Variants in MPO observed in about 807,000 individuals in gnomAD.
The protein encoded by MPO is myeloperoxidase.
MPO carries 57 observed loss-of-function variants against 69.4 expected under a neutral mutation model. The observed-to-expected ratio is 0.82, with a 90% CI of 0.66 to 1.02. MPO has a LOEUF of 1.02. MPO is among the 50% of genes least tolerant of loss of function. MPO has a pLI of 0.00. For missense variants in MPO, 971 were observed against 1,014.1 expected, an observed-to-expected ratio of 0.96 and a Z score of 0.58; for synonymous variants, 426 against 417.1, an observed-to-expected ratio of 1.02 and a Z score of -0.26.
In MPO at chr17:58,275,806, C is replaced by T. The variant is rs1002946630; in HGVS notation, c.1205-104G>A. The T allele has an allele frequency of 9.0e-6, 12 of 1,336,678 alleles. No individual in the cohort carries two copies. The African/African-American group carries it at 1.7e-4, about 19-fold the overall frequency. The allele number at this position is 1,336,678 out of a possible 1,614,324, so 82.8% of individuals were successfully genotyped here. A position where few individuals can be genotyped will look rare whatever the true frequency, so the allele number is the denominator to read the frequency against. Reference sequence around the variant, plus strand: ...GCCAAGGCCTGAAATGCCTCCTACTCACCCCTCCTCCCCATCCATCTTTTC... The same window carrying T: ...GCCAAGGCCTGAAATGCCTCCTACTTACCCCTCCTCCCCATCCATCTTTTC... On this transcript the variant is annotated intron_variant, in intron 7 of 11. Transcript: ENST00000225275. This position sits in a 1 kb window ranked among gnomAD's most constrained non-coding sequence, Gnocchi z 4.1.
At chr17:58,280,517 A>G (rs1970504918) in intron 1 of MPO, 58 bp from the exon 2 acceptor site, 1 of 1,613,376 alleles carries the variant, frequency 6.2e-7, no homozygotes, top group Non-Finnish European at 8.5e-7. Flanking sequence ...ATCAGGCCCC[A>G]GAGCTAGGAA....
At position 58,279,075 on chromosome 17, in the gene MPO, G is replaced by GC; in HGVS notation, c.817dup (p.Ala273GlyfsTer28). On this transcript the variant is annotated frameshift_variant, in exon 6 of 12. Transcript: ENST00000225275. LOFTEE classifies it high-confidence loss of function. ...GCAGTTGACGCCAGTGACGAAGGAGGCCCGGGCGGCCGGCTCAGGGGTGAA... is the reference window on the plus strand; with the variant it reads ...GCAGTTGACGCCAGTGACGAAGGAGGCCCCGGGCGGCCGGCTCAGGGGTGAA... 6.2e-7 allele frequency: 1 copy of GC among 1,613,084 alleles called. No individual in the cohort carries two copies. Among genetic ancestry groups the GC allele is most frequent in the Non-Finnish European group, 8.5e-7 (1 of 1,179,740 alleles).
chr17:58,280,547 G>A (rs1018932908), intron 1 of MPO, 58 bp downstream of exon 1: 28 of 1,613,908 alleles, frequency 1.7e-5, no homozygotes, highest in East Asian at 2.2e-5. Flanking sequence ...TGAGAAAAGG[G>A]GTCTCTGGAA....
chr17:58,270,359 C>G lies in MPO; in HGVS notation c.*297G>C. ...TCTAGTTCCTGAGCTGTGCTCCTCA[C>G]CAGTCCGCTCTGCTGCCTTCCACAT... is the stretch of plus-strand genomic sequence containing the variant. On this transcript the variant is annotated 3_prime_UTR_variant, in exon 12 of 12. Transcript: ENST00000225275. The surrounding 1 kb of genome is among the most constrained non-coding windows in gnomAD (Gnocchi z 4.1). The G allele has an allele frequency of 2.3e-6, 1 of 426,514 alleles. No homozygotes were observed. Among genetic ancestry groups the G allele is most frequent in the Non-Finnish European group, 4.4e-6 (1 of 225,844 alleles). 26.4% of individuals were successfully genotyped at this position (426,514 alleles called of 1,614,324 possible).
chr17:58,269,912 T>A lies in MPO; in HGVS notation c.*744A>T, dbSNP rs1466076909. On this transcript the variant is annotated 3_prime_UTR_variant, in exon 12 of 12. Transcript: ENST00000225275. Reference sequence around the variant, plus strand: ...ATAAACATTGGGAGCAAATAAATGGTACAGAAAGGGCAACAGGCCCAGTTC... The same window carrying A: ...ATAAACATTGGGAGCAAATAAATGGAACAGAAAGGGCAACAGGCCCAGTTC... The A allele has an allele frequency of 1.3e-5, 2 of 153,568 alleles. No individual in the cohort carries two copies. The highest frequency in any genetic ancestry group is 1.3e-4 in the Admixed American group (2 of 15,516). 9.5% of individuals were successfully genotyped at this position (153,568 alleles called of 1,614,324 possible).
intron 8 of MPO, among the ~76,000 whole-genome samples, chr17:58,274,594 C>G (rs890714523): frequency 6.6e-6 from 1 of 151,816 alleles, no homozygotes; most frequent in Non-Finnish European, 1.5e-5. Flanking sequence ...TCGAGGAGGG[C>G]GGATTACTTG....
At chr17:58,280,584 T>G in intron 1 of MPO, 21 bp downstream of exon 1, 1 of 1,614,116 alleles carries the variant, frequency 6.2e-7, no homozygotes, top group Non-Finnish European at 8.5e-7. Context: ...CACCATCTTC[T>G]CCCACCTTGG....
In MPO at chr17:58,278,220, G is replaced by T. The variant is rs553012668; in HGVS notation, c.886-75C>A. ...CCCAGGCAGAACTGGATCTCCCCCT[G>T]CCCTCAGGACCTCTGGTACCCTCAA... On this transcript the variant is annotated intron_variant, in intron 6 of 11. Transcript: ENST00000225275. 1.6e-5 allele frequency: 24 copies of T among 1,529,412 alleles called. No individual in the cohort carries two copies. In the South Asian group the frequency reaches 2.4e-4, roughly 16 times the overall value. 94.7% of individuals were successfully genotyped at this position (1,529,412 alleles called of 1,614,324 possible).
intron 8 of MPO, among the ~76,000 whole-genome samples, chr17:58,273,931 T>C (rs1344042792): frequency 1.3e-5 from 2 of 152,230 alleles, no homozygotes; most frequent in Non-Finnish European, 2.9e-5. Flanking sequence ...GTTCCTCAAA[T>C]GTACATTAAG....
chr17:58,271,038 C>G (rs1390303061), intron 11 of MPO, among the ~76,000 whole-genome samples, 175 bp from the exon 12 acceptor site: 1 of 152,182 alleles, frequency 6.6e-6, no homozygotes, highest in East Asian at 1.9e-4. Flanking sequence ...TGATGCTCCA[C>G]TCATCGTGCA....
rs553474611 is a variant in MPO, at chr17:58,280,272, C to A, written c.248+94G>T. 174 of 1,305,640 alleles carry A rather than the reference C, an allele frequency of 1.3e-4. 2 individuals carry two copies. The African/African-American group carries it at 2.4e-3, about 18-fold the overall frequency. The allele number at this position is 1,305,640 out of a possible 1,614,324, so 80.9% of individuals were successfully genotyped here. On this transcript the variant is annotated intron_variant, in intron 2 of 11. Coordinates refer to ENST00000225275, the MANE Select transcript of MPO (RefSeq NM_000250.2). ...GGAGTCCACATGGGTCCCCATAGTC[C>A]CCCTCTCCCACCTTCAAGCTCCCTG...
chr17:58,276,837 G>T (rs952659089), intron 7 of MPO, among the ~76,000 whole-genome samples: 1 of 152,140 alleles, frequency 6.6e-6, no homozygotes, highest in East Asian at 1.9e-4. Context: ...GGCTGCGTGC[G>T]GTGGCTCACA....
chr17:58,272,884 G>A lies in MPO; in HGVS notation c.1656C>T (p.Ala552=), dbSNP rs1299430410. 6.2e-7 allele frequency: 1 copy of A among 1,614,160 alleles called. No homozygotes were observed. Among genetic ancestry groups the A allele is most frequent in the Admixed American group, 1.7e-5 (1 of 60,028 alleles). Residue 552 remains alanine (A), a synonymous_variant, in exon 10 of 12, where the codon GCC becomes GCT. Transcript: ENST00000225275. ...TCTGACGATTCAGCTTGGCAGGGGT[G>A]GCCATGAGGCCCCGGAGGATGGGGT... ...GIDPILRGLM[A]TPAKLNRQNQ... is the part of the protein sequence containing the mutation.
At chr17:58,278,382 G>A (rs1970466381) in intron 6 of MPO, among the ~76,000 whole-genome samples, 1 of 152,140 alleles carries the variant, frequency 6.6e-6, no homozygotes, top group African/African-American at 2.4e-5. Context: ...GCACCGCCAG[G>A]CCTCGGATCC....
rs1970353470 is a variant in MPO at position 58,270,606 on chromosome 17, A to G, written c.*50T>C. 4.0e-6 allele frequency: 6 copies of G among 1,499,024 alleles called. No homozygotes were observed. Among genetic ancestry groups the G allele is most frequent in the Non-Finnish European group, 5.5e-6 (6 of 1,096,322 alleles). The allele number at this position is 1,499,024 out of a possible 1,614,324, so 92.9% of individuals were successfully genotyped here. A position where few individuals can be genotyped will look rare whatever the true frequency, so the allele number is the denominator to read the frequency against. On this transcript the variant is annotated 3_prime_UTR_variant, in exon 12 of 12. Transcript: ENST00000225275. This position sits in a 1 kb window ranked among gnomAD's most constrained non-coding sequence, Gnocchi z 4.1. ...GGGCAAGGAGATCTCCGTGGTTCCAACTGGCCAGCCCAGATATACCCCTCA... is the reference window on the plus strand; with the variant it reads ...GGGCAAGGAGATCTCCGTGGTTCCAGCTGGCCAGCCCAGATATACCCCTCA...
At chr17:58,280,493 G>C in intron 1 of MPO, 34 bp from the exon 2 acceptor site, 1 of 1,613,542 alleles carries the variant, frequency 6.2e-7, no homozygotes, top group Non-Finnish European at 8.5e-7. Context: ...GTCAGGAATG[G>C]GCCCCAACCC....
Position 58,272,747 on chromosome 17 carries a change from C to T in MPO, c.1792+1G>A, listed in dbSNP as rs1482634093. 1.2e-6 allele frequency: 2 copies of T among 1,613,482 alleles called. No homozygotes were observed. The highest frequency in any genetic ancestry group is 2.2e-5 in the East Asian group (1 of 44,876). On this transcript the variant is annotated splice_donor_variant, in intron 10 of 11. Coordinates refer to ENST00000225275, the MANE Select transcript of MPO (RefSeq NM_000250.2). LOFTEE classifies it high-confidence loss of function. ...CAGGGGAGACTCCTGCAGCCCCTCA[C>T]CTGGGAGGCCGTGGTCCCTGCTGCG...
At chr17:58,280,046 G>T in intron 2 of MPO, 32 bp from the exon 3 acceptor site, 1 of 1,609,632 alleles carries the variant, frequency 6.2e-7, no homozygotes, top group Non-Finnish European at 8.5e-7. Context: ...GAGGGCCAGA[G>T]AAGGGATACA....
intron 7 of MPO, among the ~76,000 whole-genome samples, chr17:58,276,175 C>T (rs757625544): frequency 2.6e-4 from 39 of 152,228 alleles, no homozygotes; most frequent in Non-Finnish European, 4.8e-4. Context: ...TGCGTGTTGG[C>T]ACAGCCTACA....
Sources: gnomAD v4.1 joint callset for allele counts (sites outside exome capture counted in the v4.1 genomes callset) on GRCh38, gnomAD v4.1.1 for gene constraint, Gnocchi (gnomAD v3.1) non-coding constraint, MANE v1.5 for transcripts, NCBI Gene and HGNC (gene_info 2026-07-23, HGNC 2026-07-21) for gene names.